Variants in NRG3 observed in about 807,000 individuals in gnomAD.
NRG3 encodes the protein neuregulin 3, also known as pro-neuregulin-3, membrane-bound isoform.
In NRG3, 31 loss-of-function variants were observed where a neutral mutation model predicts 66.9. The observed-to-expected ratio is 0.46, with a 90% CI of 0.35 to 0.63. NRG3 has a LOEUF of 0.63. NRG3 is among the 20% of genes least tolerant of loss of function. NRG3 has a pLI of 0.00. For synonymous variants in NRG3, 393 were observed against 359.4 expected (o/e 1.09, Z -1.06); for missense variants, 910 against 878.9 (o/e 1.04, Z -0.45).
At chr10:82,670,356 A>G (rs1386857957) in intron 2 of NRG3, among the ~76,000 whole-genome samples, 2 of 152,342 alleles carry the variant, frequency 1.3e-5, no homozygotes, top group African/African-American at 2.4e-5. Context: ...TACATGCGGC[A>G]TAAACACACA....
intron 2 of NRG3, among the ~76,000 whole-genome samples, chr10:82,382,464 A>C (rs2085677043): frequency 6.6e-6 from 1 of 152,110 alleles, no homozygotes; most frequent in South Asian, 2.1e-4. Context: ...GGAAAGGCAC[A>C]AATTTTTGTA....
rs1389006699 is a variant in NRG3, at chr10:82,047,037, G to T, written c.823+170874G>T. Among the ~76,000 whole-genome samples, 27 of 151,004 alleles carry T rather than the reference G, an allele frequency of 1.8e-4. No homozygotes were observed. In the South Asian group the frequency reaches 4.9e-3, roughly 27 times the overall value. On this transcript the variant is annotated intron_variant, in intron 1 of 8. Coordinates refer to ENST00000372141, the MANE Select transcript of NRG3 (RefSeq NM_001010848.4). ...ATATTGGTCTAAAATTCTCTTTCTT[G>T]GTTGTGTCTCTGCCAGGCTTTGGTA...
chr10:82,680,946 G>C (rs1038526810), intron 2 of NRG3, among the ~76,000 whole-genome samples: 2 of 152,236 alleles, frequency 1.3e-5, no homozygotes, highest in African/African-American at 4.8e-5. Context: ...TTCTGGGCAA[G>C]AGTTTAAATG....
chr10:82,036,203 G>A (rs2144471), intron 1 of NRG3, among the ~76,000 whole-genome samples: 105,731 of 151,814 alleles, frequency 0.7, 37,031 homozygotes, highest in South Asian at 0.84. Flanking sequence ...GAACTGAGTT[G>A]AACCTAAAGG....
chr10:82,347,549 T>C (rs985678829), intron 1 of NRG3, among the ~76,000 whole-genome samples: 1 of 151,016 alleles, frequency 6.6e-6, no homozygotes, highest in Non-Finnish European at 1.5e-5. Context: ...TTCTGTTGAT[T>C]TGGGGTGGAG....
intron 1 of NRG3, among the ~76,000 whole-genome samples, chr10:82,184,351 G>A (rs944700484): frequency 2.0e-5 from 3 of 152,032 alleles, no homozygotes; most frequent in Non-Finnish European, 4.4e-5. Flanking sequence ...CATTCCATTG[G>A]TAAGAACTTG....
chr10:82,079,306 G>A (rs1315626271), intron 1 of NRG3, among the ~76,000 whole-genome samples: 1 of 152,018 alleles, frequency 6.6e-6, no homozygotes, highest in African/African-American at 2.4e-5. Context: ...CCAAAGTGCT[G>A]GGATTACAGG....
At chr10:82,792,219 G>A (rs568264786) in intron 3 of NRG3, among the ~76,000 whole-genome samples, 23 of 152,166 alleles carry the variant, frequency 1.5e-4, no homozygotes, top group African/African-American at 5.5e-4. Context: ...TGTTTGGAGG[G>A]ACTTACTTTA....
intron 2 of NRG3, among the ~76,000 whole-genome samples, chr10:82,388,408 G>T (rs2086147058): frequency 1.3e-5 from 2 of 152,130 alleles, no homozygotes; most frequent in Non-Finnish European, 2.9e-5. Flanking sequence ...GAAACTAGAA[G>T]TATTGGTGAC....
chr10:82,472,038 A>G (rs1841317371), intron 2 of NRG3, among the ~76,000 whole-genome samples: 2 of 152,178 alleles, frequency 1.3e-5, no homozygotes, highest in African/African-American at 4.8e-5. Context: ...GATGGTGGAG[A>G]TAAATCATAC....
chr10:82,392,896 A>T (rs55932352), intron 2 of NRG3, among the ~76,000 whole-genome samples: 47,720 of 149,600 alleles, frequency 0.32, 8,993 homozygotes, highest in East Asian at 0.54. Flanking sequence ...ATATATATAT[A>T]TATTTTTTGC....
rs1283396412 is a variant in NRG3 at position 82,467,520 on chromosome 10, G to A, written c.953+108652G>A. ...AAGGATTTTGAATCCTGCTGAAGAG[G>A]GAACTTGTGCTCTATTCCCTGGTAG... is the stretch of plus-strand genomic sequence containing the variant. On this transcript the variant is annotated intron_variant, in intron 2 of 8. Coordinates refer to ENST00000372141, the MANE Select transcript of NRG3 (RefSeq NM_001010848.4). Among the ~76,000 whole-genome samples, 3 of 152,312 alleles carry A rather than the reference G, an allele frequency of 2.0e-5. No homozygotes were observed. In the East Asian group the frequency reaches 5.8e-4, roughly 29 times the overall value.
chr10:82,707,353 G>A (rs1236457621), intron 2 of NRG3, among the ~76,000 whole-genome samples: 1 of 151,886 alleles, frequency 6.6e-6, no homozygotes, highest in African/African-American at 2.4e-5. Context: ...GTTGTGGGCT[G>A]AGATTTTTCT....
chr10:82,284,679 T>A (rs1231397819), intron 1 of NRG3, among the ~76,000 whole-genome samples: 1 of 152,370 alleles, frequency 6.6e-6, no homozygotes, highest in South Asian at 2.1e-4. Flanking sequence ...AATATGCCAA[T>A]TTAATTTTAG....
chr10:82,182,299 C>A (rs12252726), intron 1 of NRG3, among the ~76,000 whole-genome samples: 1 of 151,316 alleles, frequency 6.6e-6, no homozygotes, highest in Admixed American at 6.6e-5. Context: ...TGTTTTCTTT[C>A]GTTTTTGTAG....
At chr10:82,663,616 A>G (rs2133980175) in intron 2 of NRG3, among the ~76,000 whole-genome samples, 1 of 152,368 alleles carries the variant, frequency 6.6e-6, no homozygotes, top group South Asian at 2.1e-4. Context: ...CCCTGAGCTC[A>G]GCGAGAACTT....
chr10:82,242,832 C>T (rs1250446319), intron 1 of NRG3, among the ~76,000 whole-genome samples: 1 of 152,170 alleles, frequency 6.6e-6, no homozygotes, highest in African/African-American at 2.4e-5. Context: ...GCCTTATTTA[C>T]AAATTTTGAT....
At chr10:82,005,923 G>GT (rs2061363276) in intron 1 of NRG3, among the ~76,000 whole-genome samples, 1 of 151,318 alleles carries the variant, frequency 6.6e-6, no homozygotes, top group African/African-American at 2.4e-5. Flanking sequence ...GTGTGTGTGT[G>GT]AATCACCTTT....
rs375338881 is a variant in NRG3, at chr10:82,762,539, T to C, written c.1027+23889T>C. Among the ~76,000 whole-genome samples the C allele has an allele frequency of 1.0e-3, 152 of 152,262 alleles. 1 individual carries two copies. Among genetic ancestry groups the C allele is most frequent in the African/African-American group, 3.5e-3 (146 of 41,572 alleles). On this transcript the variant is annotated intron_variant, in intron 3 of 8. Coordinates refer to ENST00000372141, the MANE Select transcript of NRG3 (RefSeq NM_001010848.4). Reference sequence around the variant, plus strand: ...GCAATACATTGAATATATAAATCAATTTGAATTATGAATAGTAATGCAGAA... The same window carrying C: ...GCAATACATTGAATATATAAATCAACTTGAATTATGAATAGTAATGCAGAA...
Sources: allele counts gnomAD v4.1 joint callset (sites outside exome capture counted in the v4.1 genomes callset), GRCh38; gene constraint gnomAD v4.1.1; transcripts MANE v1.5; gene names NCBI Gene and HGNC (gene_info 2026-07-23, HGNC 2026-07-21).